The following WAPL variants were observed in gnomAD, a reference collection of about 807,000 sequenced individuals.
WAPL encodes the protein WAPL cohesin release factor.
A neutral mutation model predicts 121.0 loss-of-function variants in WAPL; 5 were observed. The observed-to-expected ratio is 0.04, with a 90% CI of 0.02 to 0.09. The LOEUF (loss-of-function observed/expected upper bound fraction) is 0.09. WAPL is among the 10% of genes least tolerant of loss of function. The pLI, the probability that WAPL is intolerant of heterozygous loss-of-function variation, is 1.00. For synonymous variants in WAPL, 480 were observed against 481.5 expected (o/e 1.00, Z 0.04); for missense variants, 999 against 1,410.8 (o/e 0.71, Z 4.68).
chr10:86,470,926 T>C, intron 8 of WAPL, 66 bp downstream of exon 8: 2 of 1,297,274 alleles, frequency 1.5e-6, no homozygotes, highest in Non-Finnish European at 2.2e-6. Context: ...GAAGATATTT[T>C]TGATAGCCAA....
chr10:86,444,061 A>T (rs1849540808), intron 16 of WAPL: 1 of 152,252 alleles, frequency 6.6e-6, no homozygotes, highest in African/African-American at 2.4e-5. Flanking sequence ...CGGGCAGAAG[A>T]CTTAGAGATT....
At chr10:86,478,888 A>G (rs1841720553) in intron 4 of WAPL, among the ~76,000 whole-genome samples, 2 of 152,104 alleles carry the variant, frequency 1.3e-5, no homozygotes, top group Non-Finnish European at 2.9e-5. Flanking sequence ...TGAGGTCAGG[A>G]GTTTGAGACC....
chr10:86,464,275 G>T (rs917974708), intron 9 of WAPL, among the ~76,000 whole-genome samples: 13 of 152,146 alleles, frequency 8.5e-5, no homozygotes, highest in Non-Finnish European at 1.6e-4. Context: ...TTAATCATAT[G>T]AGTAAACTAT....
chr10:86,490,765 TG>T (rs1366702856), intron 4 of WAPL, among the ~76,000 whole-genome samples: 1 of 152,046 alleles, frequency 6.6e-6, no homozygotes, highest in Admixed American at 6.6e-5. Context: ...TACAATTCTG[TG>T]ATGTTAAATT....
intron 4 of WAPL, among the ~76,000 whole-genome samples, chr10:86,483,784 A>AATT (rs1554829982): frequency 2.3e-5 from 3 of 131,406 alleles, no homozygotes; most frequent in African/African-American, 2.9e-5. Context: ...AAAAAAAAAA[A>AATT]TTTTTTTTTC....
At chr10:86,451,895 G>A in intron 15 of WAPL, 72 bp downstream of exon 15, 1 of 1,551,936 alleles carries the variant, frequency 6.4e-7, no homozygotes, top group Non-Finnish European at 8.8e-7. Flanking sequence ...GGTAAAAGGT[G>A]CAAATGATAA....
chr10:86,495,911 T>C (rs1050863018), intron 4 of WAPL, among the ~76,000 whole-genome samples: 2 of 152,122 alleles, frequency 1.3e-5, no homozygotes, highest in Non-Finnish European at 2.9e-5. Flanking sequence ...GGTCAGGAGT[T>C]AGGGACCAGC....
chr10:86,484,252 T>C (rs1841875926), intron 4 of WAPL, among the ~76,000 whole-genome samples: 1 of 152,112 alleles, frequency 6.6e-6, no homozygotes, highest in African/African-American at 2.4e-5. Flanking sequence ...TCCCAACACT[T>C]TGGGAGGCCA....
At chr10:86,505,077 C>A (rs926184869) in intron 2 of WAPL, among the ~76,000 whole-genome samples, 1 of 151,950 alleles carries the variant, frequency 6.6e-6, no homozygotes, top group African/African-American at 2.4e-5. Context: ...GCACTGATAA[C>A]TGTGATCATG....
chr10:86,451,837 G>A (rs1279082497), intron 15 of WAPL, 130 bp downstream of exon 15: 14 of 993,838 alleles, frequency 1.4e-5, no homozygotes, highest in Non-Finnish European at 1.8e-5. Flanking sequence ...AACTAAAAAG[G>A]CCGGGGGAGG....
intron 2 of WAPL, among the ~76,000 whole-genome samples, chr10:86,507,770 G>A (rs1457865992): frequency 1.3e-5 from 2 of 150,946 alleles, no homozygotes; most frequent in African/African-American, 4.9e-5. Context: ...GCTTGTGCCA[G>A]TACTCCCATT....
intron 9 of WAPL, among the ~76,000 whole-genome samples, chr10:86,462,425 G>C (rs1273193793): frequency 6.6e-6 from 1 of 152,044 alleles, no homozygotes; most frequent in Non-Finnish European, 1.5e-5. Flanking sequence ...TTTTAAAAAA[G>C]TTGTTCTCGG....
intron 4 of WAPL, among the ~76,000 whole-genome samples, chr10:86,481,477 G>A (rs751602654): frequency 9.2e-5 from 14 of 152,240 alleles, no homozygotes; most frequent in Non-Finnish European, 1.5e-4. Flanking sequence ...AGATTCATGC[G>A]ATTCTCCTGC....
At chr10:86,516,310 G>A (rs188586988) in intron 2 of WAPL, among the ~76,000 whole-genome samples, 69 of 152,276 alleles carry the variant, frequency 4.5e-4, no homozygotes, top group Non-Finnish European at 8.4e-4. Context: ...CTGGCTCATC[G>A]TCTCATCCAA....
At position 86,515,009 on chromosome 10, in the gene WAPL, C is replaced by G. The variant is rs1321309387; in HGVS notation, c.499+2562G>C. 2.6e-5 allele frequency among the ~76,000 whole-genome samples: 4 copies of G among 152,184 alleles called. No homozygotes were observed. In the East Asian group the frequency reaches 7.7e-4, roughly 29 times the overall value. On this transcript the variant is annotated intron_variant, in intron 2 of 18. Transcript: ENST00000298767. ...GCACAGTGGCTCACGCCTATATTCC[C>G]AGCACTTGGGGAGGCCAAGGCGGGT...
intron 1 of WAPL, among the ~76,000 whole-genome samples, chr10:86,519,200 A>C (rs923555230): frequency 6.6e-6 from 1 of 152,182 alleles, no homozygotes; most frequent in African/African-American, 2.4e-5. Context: ...TACTTGCATT[A>C]GTTCTGTGCC....
intron 2 of WAPL, among the ~76,000 whole-genome samples, chr10:86,505,948 G>A (rs1041903544): frequency 6.6e-6 from 1 of 152,088 alleles, no homozygotes; most frequent in Non-Finnish European, 1.5e-5. Flanking sequence ...AGTAATTATG[G>A]CATTTGCAAG....
chr10:86,452,766 G>T (rs1016940592), intron 14 of WAPL, among the ~76,000 whole-genome samples: 1 of 151,416 alleles, frequency 6.6e-6, no homozygotes, highest in Non-Finnish European at 1.5e-5. Context: ...TCAGCCAGAC[G>T]CAATAGCTCA....
In WAPL at chr10:86,453,704, A is replaced by T; in HGVS notation, c.2785T>A (p.Cys929Ser). ...TNHVGKAVED[C>S]MRAIIGVLLN... ...AACACCCCGATGATGGCCCTCATGC[A>T]GTCCTCCACTGCTTTGCCTACATGG... Residue 929 changes from cysteine (C) to serine (S), a missense_variant, in exon 13 of 19, where the codon TGC (cysteine) becomes AGC (serine). Around this residue, in one of 7 missense-constraint regions of WAPL, gnomAD observed 85 missense variants for 133.5 expected, o/e 0.64. Transcript: ENST00000298767. 1.2e-6 allele frequency: 2 copies of T among 1,612,720 alleles called. No homozygotes were observed. Among genetic ancestry groups the T allele is most frequent in the Non-Finnish European group, 1.7e-6 (2 of 1,179,708 alleles).
Sources: gnomAD v4.1 joint callset for allele counts (sites outside exome capture counted in the v4.1 genomes callset) on GRCh38, gnomAD v4.1.1 for gene constraint, gnomAD v4.1.1 regional missense constraint, MANE v1.5 for transcripts, NCBI Gene and HGNC (gene_info 2026-07-23, HGNC 2026-07-21) for gene names.